The following ROBO1 variants were observed in gnomAD, a reference collection of about 807,000 sequenced individuals.
ROBO1 encodes the protein roundabout homolog 1.
A neutral mutation model predicts 195.9 loss-of-function variants in ROBO1; 149 were observed. The ratio of observed to expected loss-of-function variants is 0.76; its 90% confidence interval spans 0.67 to 0.87. The LOEUF (loss-of-function observed/expected upper bound fraction) is 0.87. ROBO1 is among the 40% of genes least tolerant of loss of function. The probability of loss-of-function intolerance (pLI) is 0.00; values close to 1 mark genes in which losing one functional copy is unlikely to be tolerated. For synonymous variants in ROBO1, 816 were observed against 733.2 expected (o/e 1.11, Z -1.82); for missense variants, 1,933 against 2,068.3 (o/e 0.93, Z 1.27).
chr3:78,694,195 T>A, intron 8 of ROBO1, among the ~76,000 whole-genome samples: 1 of 152,186 alleles, frequency 6.6e-6, no homozygotes, highest in East Asian at 1.9e-4. Flanking sequence ...TTTAAAATAC[T>A]AGAAATGGTT....
chr3:78,771,507 A>G (rs1213054372), intron 4 of ROBO1, among the ~76,000 whole-genome samples: 1 of 152,126 alleles, frequency 6.6e-6, no homozygotes, highest in Non-Finnish European at 1.5e-5. Context: ...CTTTAATAAT[A>G]CTGAGTCTTC....
At chr3:79,364,130 G>A (rs1379597680) in intron 2 of ROBO1, among the ~76,000 whole-genome samples, 4 of 151,772 alleles carry the variant, frequency 2.6e-5, no homozygotes, top group African/African-American at 9.7e-5. Flanking sequence ...CGTGAACCCG[G>A]GAGGCGGAGC....
At chr3:78,777,500 T>C (rs759547049) in intron 4 of ROBO1, among the ~76,000 whole-genome samples, 1 of 152,220 alleles carries the variant, frequency 6.6e-6, no homozygotes, top group Non-Finnish European at 1.5e-5. Flanking sequence ...AACTGATAGA[T>C]ATAATGTAAA....
chr3:79,018,412 C>T, intron 3 of ROBO1: 4 of 1,613,850 alleles, frequency 2.5e-6, no homozygotes, highest in East Asian at 2.2e-5. Context: ...GTTACCTGAA[C>T]AGAGACATAT....
chr3:79,359,017 A>G (rs1336542854), intron 2 of ROBO1, among the ~76,000 whole-genome samples: 1 of 152,048 alleles, frequency 6.6e-6, no homozygotes, highest in Non-Finnish European at 1.5e-5. Flanking sequence ...ACTGCTATTT[A>G]AAATGTGTTT....
At chr3:78,794,588 T>C (rs917394006) in intron 4 of ROBO1, among the ~76,000 whole-genome samples, 1 of 152,120 alleles carries the variant, frequency 6.6e-6, no homozygotes, top group Non-Finnish European at 1.5e-5. Flanking sequence ...TATTTATTTA[T>C]TTATTTTGAG....
At chr3:79,209,255 T>A (rs962901392) in intron 2 of ROBO1, among the ~76,000 whole-genome samples, 2 of 152,198 alleles carry the variant, frequency 1.3e-5, no homozygotes, top group African/African-American at 4.8e-5. Flanking sequence ...TGGTTTTCCA[T>A]TGTTGAGTTA....
rs546556055 is a variant in ROBO1, at chr3:79,529,385, G to A, written c.88+60439C>T. Among the ~76,000 whole-genome samples, 21 of 152,276 alleles carry A rather than the reference G, an allele frequency of 1.4e-4. 1 individual carries two copies. In the Middle Eastern group the frequency reaches 0.01, roughly 74 times the overall value. On this transcript the variant is annotated intron_variant, in intron 2 of 30. Coordinates refer to ENST00000464233, the MANE Select transcript of ROBO1 (RefSeq NM_002941.4). Reference sequence around the variant, plus strand: ...TCCCAGTAGTCCCAGCTATTGGGGAGGCTGAGATGGCAGAATCCTTTGAGT... The same window carrying A: ...TCCCAGTAGTCCCAGCTATTGGGGAAGCTGAGATGGCAGAATCCTTTGAGT...
Position 79,285,195 on chromosome 3 carries a change from A to G in ROBO1, c.89-159656T>C, listed in dbSNP as rs182579621. 9.8e-5 allele frequency among the ~76,000 whole-genome samples: 15 copies of G among 152,310 alleles called. No homozygotes were observed. In the East Asian group the frequency reaches 2.9e-3, roughly 29 times the overall value. ...TGGCTAACCGATTAAAGACATTCAG[A>G]GGTAATGTTTTGGCTATAAAAAAAG... is the stretch of plus-strand genomic sequence containing the variant. On this transcript the variant is annotated intron_variant, in intron 2 of 30. Transcript: ENST00000464233.
chr3:79,574,711 C>G (rs1943393709), intron 2 of ROBO1, among the ~76,000 whole-genome samples: 1 of 151,774 alleles, frequency 6.6e-6, no homozygotes, highest in South Asian at 2.1e-4. Context: ...GTGACTTTTA[C>G]ATCAAGTTAG....
chr3:79,050,280 A>G (rs888979337), intron 3 of ROBO1, among the ~76,000 whole-genome samples: 2 of 152,194 alleles, frequency 1.3e-5, no homozygotes, highest in Non-Finnish European at 2.9e-5. Context: ...TTAAACCAAC[A>G]AAGATCAAAA....
intron 4 of ROBO1, among the ~76,000 whole-genome samples, chr3:78,822,627 A>C (rs528358746): frequency 4.6e-5 from 7 of 152,352 alleles, no homozygotes; most frequent in Non-Finnish European, 1.0e-4. Flanking sequence ...TTCACAGTAC[A>C]TATAAGAATA....
chr3:78,840,340 C>T (rs891557766), intron 4 of ROBO1, among the ~76,000 whole-genome samples: 3 of 152,168 alleles, frequency 2.0e-5, no homozygotes, highest in Admixed American at 2.0e-4. Flanking sequence ...CACTTATACT[C>T]ACCCTCTATC....
At chr3:78,635,029 T>C (rs1705409777) in intron 23 of ROBO1, among the ~76,000 whole-genome samples, 1 of 152,184 alleles carries the variant, frequency 6.6e-6, no homozygotes, top group African/African-American at 2.4e-5. Context: ...GCAATCCTGG[T>C]TTTCCTAGAG....
chr3:79,298,972 G>A (rs1478230177), intron 2 of ROBO1, among the ~76,000 whole-genome samples: 2 of 151,984 alleles, frequency 1.3e-5, no homozygotes, highest in East Asian at 3.9e-4. Flanking sequence ...GGTTGCATAG[G>A]ATATGAACAG....
At chr3:78,821,784 A>C (rs1167851337) in intron 4 of ROBO1, among the ~76,000 whole-genome samples, 2 of 152,176 alleles carry the variant, frequency 1.3e-5, no homozygotes, top group African/African-American at 4.8e-5. Flanking sequence ...TCCTTTCAAC[A>C]AACTTTTACA....
chr3:79,540,879 T>C (rs1942041737), intron 2 of ROBO1, among the ~76,000 whole-genome samples: 1 of 152,138 alleles, frequency 6.6e-6, no homozygotes, highest in African/African-American at 2.4e-5. Flanking sequence ...TAATCTTAGA[T>C]TTTAAAAATA....
rs558923837 is a variant in ROBO1 at position 78,905,221 on chromosome 3, A to G, written c.499+33380T>C. Among the ~76,000 whole-genome samples, 7 of 152,282 alleles carry G rather than the reference A, an allele frequency of 4.6e-5. No homozygotes were observed. The South Asian group carries it at 1.0e-3, about 23-fold the overall frequency. On this transcript the variant is annotated intron_variant, in intron 4 of 30. Coordinates refer to ENST00000464233, the MANE Select transcript of ROBO1 (RefSeq NM_002941.4). Reference sequence around the variant, plus strand: ...TAAGGAGCTCTTCTAAAAGGTTATTATTATTTCTGCTTTCACAGTGTACTT... The same window carrying G: ...TAAGGAGCTCTTCTAAAAGGTTATTGTTATTTCTGCTTTCACAGTGTACTT...
intron 4 of ROBO1, among the ~76,000 whole-genome samples, chr3:78,774,343 C>G (rs1233130747): frequency 6.6e-6 from 1 of 151,312 alleles, no homozygotes; most frequent in African/African-American, 2.4e-5. Context: ...CGGAGTCTCG[C>G]TCTATCGCCC....
Sources: allele counts gnomAD v4.1 joint callset (sites outside exome capture counted in the v4.1 genomes callset), GRCh38; gene constraint gnomAD v4.1.1; transcripts MANE v1.5; gene names NCBI Gene and HGNC (gene_info 2026-07-23, HGNC 2026-07-21).